The following DNAJC13 variants were observed in gnomAD, a reference collection of about 807,000 sequenced individuals.
DNAJC13 encodes dnaJ homolog subfamily C member 13.
In DNAJC13, 75 loss-of-function variants were observed where a neutral mutation model predicts 290.5. That is an observed-to-expected ratio of 0.26 (90% CI 0.21 to 0.31). The LOEUF (loss-of-function observed/expected upper bound fraction) is 0.31. DNAJC13 is among the 10% of genes least tolerant of loss of function. The pLI, the probability that DNAJC13 is intolerant of heterozygous loss-of-function variation, is 1.00. For missense variants in DNAJC13, 2,260 were observed against 2,674.5 expected, an observed-to-expected ratio of 0.85 and a Z score of 3.42; for synonymous variants, 862 against 892.0, an observed-to-expected ratio of 0.97 and a Z score of 0.60.
intron 1 of DNAJC13, among the ~76,000 whole-genome samples, chr3:132,427,135 T>G: frequency 1.1e-5 from 1 of 92,894 alleles, no homozygotes; most frequent in East Asian, 2.9e-4. Flanking sequence ...ATATATATAT[T>G]TTTTTTTTTT....
intron 1 of DNAJC13, among the ~76,000 whole-genome samples, chr3:132,428,768 T>A (rs1320357667): frequency 1.3e-5 from 2 of 152,212 alleles, no homozygotes; most frequent in Admixed American, 6.5e-5. Flanking sequence ...GGAGTCCTGC[T>A]CTGTCAGCCC....
chr3:132,428,554 C>A (rs1458333247), intron 1 of DNAJC13, among the ~76,000 whole-genome samples: 1 of 152,008 alleles, frequency 6.6e-6, no homozygotes, highest in Non-Finnish European at 1.5e-5. Flanking sequence ...AAGTGATCCT[C>A]CCACAGTAGC....
chr3:132,482,739 G>A (rs947345618), intron 27 of DNAJC13, among the ~76,000 whole-genome samples: 1 of 151,912 alleles, frequency 6.6e-6, no homozygotes, highest in Non-Finnish European at 1.5e-5. Context: ...CATGCCTATA[G>A]TGTCAGCTAC....
In DNAJC13 at chr3:132,516,452, C is replaced by A; in HGVS notation, c.5516C>A (p.Ala1839Asp). The A allele has an allele frequency of 1.2e-6, 2 of 1,613,774 alleles. No homozygotes were observed. Among genetic ancestry groups the A allele is most frequent in the Non-Finnish European group, 1.7e-6 (2 of 1,179,776 alleles). The change falls in exon 47 of 56, where the codon GCT becomes GAT. Residue 1839 changes from alanine to aspartate, a missense_variant. Coordinates refer to ENST00000260818, the MANE Select transcript of DNAJC13 (RefSeq NM_015268.4). ...CAGCTTGTTCTGGAAACTCTTTATG[C>A]TTTGACATCGAGTACAAAAATAATC... is the stretch of plus-strand genomic sequence containing the variant. ...SRQLVLETLY[A>D]LTSSTKIIKE...
chr3:132,492,551 A>G lies in DNAJC13; in HGVS notation c.3761A>G (p.Asn1254Ser), dbSNP rs142168412. 24 of 1,613,804 alleles carry G rather than the reference A, an allele frequency of 1.5e-5. No individual in the cohort carries two copies. The highest frequency in any genetic ancestry group is 2.7e-5 in the African/African-American group (2 of 75,000). The change falls in exon 33 of 56, where the codon AAT (asparagine) becomes AGT (serine). Residue 1254 changes from asparagine to serine, a missense_variant. Asn to Ser is a conservative substitution (Grantham distance 46). Transcript: ENST00000260818. Reference sequence around the variant, plus strand: ...CAACTCGAAAATGAACTATTTTGTAATATTTATTACCTCAAACAACTGTGT... The same window carrying G: ...CAACTCGAAAATGAACTATTTTGTAGTATTTATTACCTCAAACAACTGTGT... ...YPQLENELFC[N>S]IYYLKQLCDT...
intron 1 of DNAJC13, among the ~76,000 whole-genome samples, chr3:132,420,319 T>C (rs980122884): frequency 6.6e-6 from 1 of 152,216 alleles, no homozygotes; most frequent in Non-Finnish European, 1.5e-5. Flanking sequence ...CCTCTGCCTC[T>C]TCTATGGAAA....
chr3:132,535,833 C>A (rs925197608), intron 55 of DNAJC13, among the ~76,000 whole-genome samples: 1 of 152,182 alleles, frequency 6.6e-6, no homozygotes. Context: ...CTATTCTGTG[C>A]AAATGACCAG....
At chr3:132,451,648 TTG>T in intron 6 of DNAJC13, among the ~76,000 whole-genome samples, 1 of 152,320 alleles carries the variant, frequency 6.6e-6, no homozygotes. Flanking sequence ...TTCCTTTCTC[TTG>T]AAAATTTTAA....
At chr3:132,472,730 C>A (rs1448875610) in intron 20 of DNAJC13, among the ~76,000 whole-genome samples, 2 of 152,172 alleles carry the variant, frequency 1.3e-5, no homozygotes, top group Non-Finnish European at 2.9e-5. Flanking sequence ...TTTGTACTTG[C>A]TCCTCTTGGC....
intron 1 of DNAJC13, among the ~76,000 whole-genome samples, chr3:132,421,936 A>G (rs1386600869): frequency 2.0e-5 from 3 of 152,198 alleles, no homozygotes; most frequent in Non-Finnish European, 4.4e-5. Flanking sequence ...TGAGTTATAT[A>G]TAAAACAATT....
In DNAJC13 at chr3:132,422,138, C is replaced by G. The variant is rs563600854; in HGVS notation, c.-14+4378C>G. 2.6e-5 allele frequency among the ~76,000 whole-genome samples: 4 copies of G among 152,058 alleles called. No homozygotes were observed. In the South Asian group the frequency reaches 8.3e-4, roughly 32 times the overall value. ...CCTGATCTCCTGGGCTCAAGCGATC[C>G]TCCCACCTTAGCCTCCTTAGTATCT... On this transcript the variant is annotated intron_variant, in intron 1 of 55. Coordinates refer to ENST00000260818, the MANE Select transcript of DNAJC13 (RefSeq NM_015268.4).
chr3:132,537,359 A>G (rs906228493), intron 55 of DNAJC13: 5 of 398,356 alleles, frequency 1.3e-5, no homozygotes, highest in African/African-American at 8.3e-5. Flanking sequence ...GTTTCCTACA[A>G]TTTCAGCTAA....
intron 17 of DNAJC13, 142 bp downstream of exon 17, chr3:132,463,959 G>T: frequency 1.0e-6 from 1 of 996,730 alleles, no homozygotes; most frequent in Non-Finnish European, 1.4e-6. Context: ...TTTCCTTACA[G>T]AAGGATTTTG....
chr3:132,523,241 T>C, intron 50 of DNAJC13, 42 bp downstream of exon 50: 1 of 1,607,146 alleles, frequency 6.2e-7, no homozygotes, highest in Non-Finnish European at 8.5e-7. Flanking sequence ...TCTGTTGATT[T>C]AGTTGTTTTC....
At chr3:132,448,328 T>A (rs951778132) in intron 5 of DNAJC13, among the ~76,000 whole-genome samples, 2 of 152,148 alleles carry the variant, frequency 1.3e-5, no homozygotes, top group African/African-American at 4.8e-5. Context: ...TATTCAAGTT[T>A]TAAGATTTGA....
chr3:132,465,051 T>G (rs569710607), intron 17 of DNAJC13, among the ~76,000 whole-genome samples: 1 of 152,312 alleles, frequency 6.6e-6, no homozygotes, highest in South Asian at 2.1e-4. Context: ...GTCACTGATA[T>G]GATAACCTAC....
At chr3:132,429,173 A>G (rs758301912) in intron 1 of DNAJC13, among the ~76,000 whole-genome samples, 26 of 152,346 alleles carry the variant, frequency 1.7e-4, no homozygotes, top group Non-Finnish European at 2.9e-4. Flanking sequence ...ACTGCTTAAA[A>G]TTGTAGATTT....
intron 51 of DNAJC13, among the ~76,000 whole-genome samples, chr3:132,524,438 C>A (rs762406706): frequency 9.9e-5 from 15 of 152,158 alleles, no homozygotes; most frequent in Non-Finnish European, 1.9e-4. Flanking sequence ...TTGGGCAGTA[C>A]CTCATGACTC....
chr3:132,446,363 A>G, intron 2 of DNAJC13, 112 bp from the exon 3 acceptor site: 4 of 669,284 alleles, frequency 6.0e-6, no homozygotes, highest in South Asian at 3.9e-5. Context: ...AGTCACCATT[A>G]ATCAACTAAC....
Sources: allele counts gnomAD v4.1 joint callset (sites outside exome capture counted in the v4.1 genomes callset), GRCh38; gene constraint gnomAD v4.1.1; transcripts MANE v1.5; gene names NCBI Gene and HGNC (gene_info 2026-07-23, HGNC 2026-07-21).